CDKAL1: variants seen among roughly 807,000 people sequenced by gnomAD.
CDKAL1 encodes the protein CDKAL1 threonylcarbamoyladenosine tRNA methylthiotransferase, also known as threonylcarbamoyladenosine tRNA methylthiotransferase.
A neutral mutation model predicts 68.2 loss-of-function variants in CDKAL1; 32 were observed. That is an observed-to-expected ratio of 0.47 (90% CI 0.35 to 0.63). The LOEUF (loss-of-function observed/expected upper bound fraction) is 0.63. Among genes scored for constraint, CDKAL1 ranks in the 30% least tolerant of loss-of-function variants. The probability of loss-of-function intolerance (pLI) is 0.00; values close to 1 mark genes in which losing one functional copy is unlikely to be tolerated. For missense variants in CDKAL1, 606 were observed against 696.7 expected (o/e 0.87, Z 1.47); for synonymous variants, 234 against 244.3 (o/e 0.96, Z 0.39).
intron 9 of CDKAL1, among the ~76,000 whole-genome samples, chr6:20,923,121 A>G (rs1303354811): frequency 3.9e-5 from 6 of 152,016 alleles, no homozygotes; most frequent in African/African-American, 1.4e-4. Flanking sequence ...GGGTCTTGCC[A>G]TGTTGCCCAG....
chr6:20,680,999 C>A (rs758937706), intron 5 of CDKAL1, among the ~76,000 whole-genome samples: 1 of 152,080 alleles, frequency 6.6e-6, no homozygotes, highest in African/African-American at 2.4e-5. Context: ...GTATTTAATG[C>A]CTTAAATGAA....
In CDKAL1 at chr6:20,694,490, A is replaced by G. The variant is rs957739936; in HGVS notation, c.372-45029A>G. Among the ~76,000 whole-genome samples, 2 of 152,166 alleles carry G rather than the reference A, an allele frequency of 1.3e-5. 1 individual carries two copies. The highest frequency in any genetic ancestry group is 4.8e-5 in the African/African-American group (2 of 41,444). On this transcript the variant is annotated intron_variant, in intron 5 of 15. Coordinates refer to ENST00000274695, the MANE Select transcript of CDKAL1 (RefSeq NM_017774.3). Reference sequence around the variant, plus strand: ...GTTGCGTAGAGAAGGTTCTACTCCCACAGCTTGCATATTGTCCATGTCTGT... The same window carrying G: ...GTTGCGTAGAGAAGGTTCTACTCCCGCAGCTTGCATATTGTCCATGTCTGT...
At chr6:20,765,068 G>C (rs1328164731) in intron 7 of CDKAL1, among the ~76,000 whole-genome samples, 1 of 151,496 alleles carries the variant, frequency 6.6e-6, no homozygotes, top group African/African-American at 2.4e-5. Flanking sequence ...AAGTTTATGA[G>C]TATAGTAAAG....
chr6:21,135,468 G>A (rs1450025433), intron 13 of CDKAL1, among the ~76,000 whole-genome samples: 1 of 152,154 alleles, frequency 6.6e-6, no homozygotes, highest in South Asian at 2.1e-4. Context: ...CCATGTCACA[G>A]TAAATTTTAA....
At chr6:20,886,648 A>T (rs1761080505) in intron 9 of CDKAL1, among the ~76,000 whole-genome samples, 1 of 152,260 alleles carries the variant, frequency 6.6e-6, no homozygotes, top group South Asian at 2.1e-4. Context: ...AAAAGGACAA[A>T]TATTGTATGA....
At chr6:20,644,019 G>A (rs1417245065) in intron 4 of CDKAL1, among the ~76,000 whole-genome samples, 5 of 151,918 alleles carry the variant, frequency 3.3e-5, no homozygotes, top group Admixed American at 6.6e-5. Context: ...AATACAAAGA[G>A]ACAGGATTTT....
At chr6:20,820,956 A>G (rs1758856004) in intron 8 of CDKAL1, among the ~76,000 whole-genome samples, 1 of 151,988 alleles carries the variant, frequency 6.6e-6, no homozygotes, top group Non-Finnish European at 1.5e-5. Flanking sequence ...TGGACAGAGA[A>G]CTTTTAGGGG....
chr6:21,145,111 A>G (rs1776104407), intron 13 of CDKAL1, among the ~76,000 whole-genome samples: 1 of 152,170 alleles, frequency 6.6e-6, no homozygotes, highest in South Asian at 2.1e-4. Context: ...GCTGGGTGGC[A>G]TGGAGCTCAT....
intron 13 of CDKAL1, among the ~76,000 whole-genome samples, chr6:21,113,936 T>C (rs1774256876): frequency 1.3e-5 from 2 of 149,998 alleles, no homozygotes; most frequent in South Asian, 2.1e-4. Flanking sequence ...CAAGAGCCCA[T>C]ATATAAAAGA....
intron 5 of CDKAL1, among the ~76,000 whole-genome samples, chr6:20,672,930 C>T (rs1264567119): frequency 6.6e-6 from 1 of 152,100 alleles, no homozygotes; most frequent in Non-Finnish European, 1.5e-5. Context: ...GCGCGAGCTA[C>T]CATGCCCAGC....
At position 21,190,714 on chromosome 6, in the gene CDKAL1, A is replaced by G. The variant is rs147830940; in HGVS notation, c.1300-7307A>G. Among the ~76,000 whole-genome samples, 5 of 152,340 alleles carry G rather than the reference A, an allele frequency of 3.3e-5. No homozygotes were observed. The East Asian group carries it at 9.6e-4, about 29-fold the overall frequency. ...CTTAGGAAGAGAATGGACAGAAAAA[A>G]TAATTGTCAGCAGCTCTTAAAGGGA... On this transcript the variant is annotated intron_variant, in intron 13 of 15. Transcript: ENST00000274695.
chr6:20,699,350 G>A (rs1771243348), intron 5 of CDKAL1, among the ~76,000 whole-genome samples: 1 of 151,580 alleles, frequency 6.6e-6, no homozygotes, highest in Admixed American at 6.6e-5. Flanking sequence ...TTCTTAAGCA[G>A]TGTAGCATTA....
chr6:20,876,822 G>A (rs1036585761), intron 9 of CDKAL1, among the ~76,000 whole-genome samples: 1 of 152,120 alleles, frequency 6.6e-6, no homozygotes, highest in Non-Finnish European at 1.5e-5. Flanking sequence ...CTAGTTAAAA[G>A]GTTGGCTAAT....
intron 9 of CDKAL1, among the ~76,000 whole-genome samples, chr6:20,944,194 ATCTCCTTTGTTTCTCTC>A (rs1337264088): frequency 3.9e-5 from 6 of 152,208 alleles, no homozygotes; most frequent in Non-Finnish European, 8.8e-5. Context: ...CATGTTGCTC[ATCTCCTTTGTTTCTCTC>A]AAGAATCACA....
At chr6:21,209,601 T>A (rs1031024832) in intron 15 of CDKAL1, among the ~76,000 whole-genome samples, 1 of 152,178 alleles carries the variant, frequency 6.6e-6, no homozygotes, top group Non-Finnish European at 1.5e-5. Flanking sequence ...TGTATAGGTA[T>A]GCTAGCTCAC....
chr6:21,152,151 G>GTCT (rs1776441013), intron 13 of CDKAL1, among the ~76,000 whole-genome samples: 1 of 152,092 alleles, frequency 6.6e-6, no homozygotes, highest in African/African-American at 2.4e-5. Flanking sequence ...TCTTTTTTCT[G>GTCT]TCTTTCGTGT....
At chr6:20,799,728 A>G (rs910658309) in intron 8 of CDKAL1, 1 of 152,222 alleles carries the variant, frequency 6.6e-6, no homozygotes, top group Non-Finnish European at 1.5e-5. Flanking sequence ...GCCACAGAAG[A>G]AAATCATTTG....
chr6:20,924,448 T>C (rs1332979030), intron 9 of CDKAL1, among the ~76,000 whole-genome samples: 2 of 151,922 alleles, frequency 1.3e-5, no homozygotes, highest in East Asian at 3.9e-4. Flanking sequence ...TGGGTCATGT[T>C]GTGAATGCAA....
chr6:20,677,951 T>G (rs1316480294), intron 5 of CDKAL1, among the ~76,000 whole-genome samples: 2 of 152,176 alleles, frequency 1.3e-5, no homozygotes. Context: ...TATTTTTAAT[T>G]TTTCTGCTTT....
Sources: gnomAD v4.1 joint callset for allele counts (sites outside exome capture counted in the v4.1 genomes callset) on GRCh38, gnomAD v4.1.1 for gene constraint, MANE v1.5 for transcripts, NCBI Gene and HGNC (gene_info 2026-07-23, HGNC 2026-07-21) for gene names.